MIPOL1: variants seen among roughly 807,000 people sequenced by gnomAD.
MIPOL1 encodes mirror-image polydactyly gene 1 protein.
A neutral mutation model predicts 60.9 loss-of-function variants in MIPOL1; 57 were observed. The ratio of observed to expected loss-of-function variants is 0.94; its 90% CI spans 0.76 to 1.17. MIPOL1 has a LOEUF of 1.17. MIPOL1 is among the 50% of genes most tolerant of loss of function. The pLI is 0.00. For synonymous variants in MIPOL1, 179 were observed against 168.8 expected, an observed-to-expected ratio of 1.06 and a Z score of -0.47; for missense variants, 551 against 511.6, an observed-to-expected ratio of 1.08 and a Z score of -0.74.
At chr14:37,456,838 T>A (rs2094481415) in intron 11 of MIPOL1, among the ~76,000 whole-genome samples, 1 of 152,134 alleles carries the variant, frequency 6.6e-6, no homozygotes, top group African/African-American at 2.4e-5. Flanking sequence ...TTTTATTTTC[T>A]TATAAAAATA....
chr14:37,255,897 AGTAC>A (rs1400898672), intron 3 of MIPOL1, among the ~76,000 whole-genome samples: 1 of 151,838 alleles, frequency 6.6e-6, no homozygotes, highest in Non-Finnish European at 1.5e-5. Flanking sequence ...ATAACCATTT[AGTAC>A]TATAATATTA....
intron 12 of MIPOL1, among the ~76,000 whole-genome samples, chr14:37,511,892 A>G (rs1268536261): frequency 6.6e-6 from 1 of 152,196 alleles, no homozygotes; most frequent in Non-Finnish European, 1.5e-5. Flanking sequence ...TAATGAATAG[A>G]TGAGACAAAG....
At position 37,266,991 on chromosome 14, in the gene MIPOL1, C is replaced by T. The variant is rs767507253; in HGVS notation, c.73C>T (p.Gln25Ter). The stretch of plus-strand genomic sequence containing the variant: ...AACTACGGGGATAAATAAAAGTACG[C>T]AGCCAGATGAGCAACTGACTATGAA... ...QETTGINKSTQPDEQLTMNSE... is the reference protein window; with the variant it reads ...QETTGINKST Residue 25 changes from glutamine (Q) to a stop codon, truncating the protein, a stop_gained, in exon 4 of 13, where the codon CAG becomes TAG. Transcript: ENST00000684589. LOFTEE classifies it high-confidence loss of function. 1.9e-6 allele frequency: 3 copies of T among 1,613,674 alleles called. No individual in the cohort carries two copies. Among genetic ancestry groups the T allele is most frequent in the Non-Finnish European group, 1.7e-6 (2 of 1,179,798 alleles).
chr14:37,242,585 C>A (rs1972527341), intron 1 of MIPOL1, among the ~76,000 whole-genome samples: 2 of 152,100 alleles, frequency 1.3e-5, no homozygotes, highest in African/African-American at 4.8e-5. Flanking sequence ...TTATTTATAC[C>A]AGTTCTCTAT....
intron 11 of MIPOL1, among the ~76,000 whole-genome samples, chr14:37,459,918 T>C (rs1050416924): frequency 2.6e-5 from 4 of 151,844 alleles, no homozygotes; most frequent in African/African-American, 4.8e-5. Context: ...CTACTAAAAA[T>C]ACAAAAATTA....
chr14:37,285,871 C>T (rs1001205363), intron 7 of MIPOL1, among the ~76,000 whole-genome samples: 4 of 152,092 alleles, frequency 2.6e-5, no homozygotes, highest in African/African-American at 9.7e-5. Flanking sequence ...AGATTAGAGG[C>T]ATGAGCCACC....
chr14:37,281,882 T>C (rs951532836), intron 6 of MIPOL1, among the ~76,000 whole-genome samples: 6 of 152,224 alleles, frequency 3.9e-5, no homozygotes, highest in African/African-American at 1.4e-4. Context: ...AGGGATTGCA[T>C]TGAATCTTTA....
intron 11 of MIPOL1, among the ~76,000 whole-genome samples, chr14:37,446,587 G>T (rs959970731): frequency 2.6e-5 from 4 of 152,028 alleles, no homozygotes; most frequent in African/African-American, 9.7e-5. Flanking sequence ...TATACCCAAA[G>T]GATTATAAAT....
At chr14:37,439,263 A>G (rs1162748662) in intron 11 of MIPOL1, among the ~76,000 whole-genome samples, 5 of 152,224 alleles carry the variant, frequency 3.3e-5, no homozygotes, top group African/African-American at 9.6e-5. Context: ...ATACTTGAGA[A>G]TTGAAGTATA....
chr14:37,215,389 A>T (rs925650284), intron 1 of MIPOL1, among the ~76,000 whole-genome samples: 1 of 151,514 alleles, frequency 6.6e-6, no homozygotes, highest in Non-Finnish European at 1.5e-5. Context: ...TTTTTTCTAC[A>T]ATCTTTTGTC....
chr14:37,305,912 C>G (rs998635144), intron 7 of MIPOL1, among the ~76,000 whole-genome samples: 1 of 151,784 alleles, frequency 6.6e-6, no homozygotes, highest in Non-Finnish European at 1.5e-5. Flanking sequence ...GCACAGCAGC[C>G]TTACCAAAAA....
chr14:37,278,485 T>A (rs1048097477), intron 6 of MIPOL1: 1 of 151,796 alleles, frequency 6.6e-6, no homozygotes, highest in Non-Finnish European at 1.5e-5. Context: ...TTCTTTCATA[T>A]GTAGTAAAGT....
At chr14:37,221,935 A>G (rs1300867365) in intron 1 of MIPOL1, among the ~76,000 whole-genome samples, 4 of 145,132 alleles carry the variant, frequency 2.8e-5, no homozygotes, top group Non-Finnish European at 4.5e-5. Context: ...TTGTTCCAGC[A>G]TAAACTCAAA....
intron 11 of MIPOL1, among the ~76,000 whole-genome samples, chr14:37,480,888 C>T (rs2094852986): frequency 6.6e-6 from 1 of 152,070 alleles, no homozygotes; most frequent in African/African-American, 2.4e-5. Flanking sequence ...TCTGTAATAC[C>T]AGCACTTTGG....
At chr14:37,308,155 AGT>A in intron 8 of MIPOL1, 66 bp downstream of exon 8, 1 of 1,465,854 alleles carries the variant, frequency 6.8e-7, no homozygotes, top group Non-Finnish European at 9.4e-7. Context: ...AGTTCAATTG[AGT>A]GGGTTTCAAG....
intron 11 of MIPOL1, among the ~76,000 whole-genome samples, chr14:37,468,098 G>T (rs1485236352): frequency 6.7e-6 from 1 of 150,040 alleles, no homozygotes; most frequent in Admixed American, 6.7e-5. Flanking sequence ...GATCGGCTTT[G>T]TTTACTGTTG....
At position 37,475,308 on chromosome 14, in the gene MIPOL1, A is replaced by G. The variant is rs376724141; in HGVS notation, c.1032-24600A>G. ...GTTGATTTTAAAGAGTTCTTTGTGT[A>G]TTTTGAATACCAGTCCTTTATTAGT... On this transcript the variant is annotated intron_variant, in intron 11 of 12. Coordinates refer to ENST00000684589, the MANE Select transcript of MIPOL1 (RefSeq NM_001388067.1). Among the ~76,000 whole-genome samples, 78 of 152,238 alleles carry G rather than the reference A, an allele frequency of 5.1e-4. 1 individual carries two copies. The South Asian group carries it at 0.016, about 31-fold the overall frequency.
At chr14:37,401,101 A>T (rs555184407) in intron 10 of MIPOL1, 5 of 152,290 alleles carry the variant, frequency 3.3e-5, no homozygotes, top group African/African-American at 1.2e-4. Flanking sequence ...TCAGGGACAA[A>T]AATATAAATA....
At chr14:37,241,606 G>C (rs1437264323) in intron 1 of MIPOL1, among the ~76,000 whole-genome samples, 1 of 151,410 alleles carries the variant, frequency 6.6e-6, no homozygotes, top group Non-Finnish European at 1.5e-5. Flanking sequence ...GGAGGTGGGC[G>C]GAAACCGTTA....
Sources: allele counts gnomAD v4.1 joint callset (sites outside exome capture counted in the v4.1 genomes callset), GRCh38; gene constraint gnomAD v4.1.1; transcripts MANE v1.5; gene names NCBI Gene and HGNC (gene_info 2026-07-23, HGNC 2026-07-21).